Variants in DOCK8 observed in about 807,000 individuals in gnomAD.
The protein encoded by DOCK8 is dedicator of cytokinesis protein 8.
DOCK8 carries 141 observed loss-of-function variants against 245.6 expected under a neutral mutation model. The ratio of observed to expected loss-of-function variants is 0.57; its 90% CI spans 0.50 to 0.66. The LOEUF (loss-of-function observed/expected upper bound fraction) is 0.66, where lower values mean the gene tolerates loss of function less well. Among genes scored for constraint, DOCK8 ranks in the 30% least tolerant of loss-of-function variants. The pLI is 0.00. For synonymous variants in DOCK8, 1,168 were observed against 970.2 expected (o/e 1.20, Z -3.79); for missense variants, 2,965 against 2,603.4 (o/e 1.14, Z -3.02).
chr9:429,430 G>T (rs1326093915), intron 35 of DOCK8, among the ~76,000 whole-genome samples: 2 of 152,168 alleles, frequency 1.3e-5, no homozygotes, highest in Non-Finnish European at 2.9e-5. Flanking sequence ...TTCCATCATA[G>T]TTGTGATTTC....
intron 4 of DOCK8, among the ~76,000 whole-genome samples, chr9:299,283 G>C (rs541520858): frequency 6.6e-6 from 1 of 152,206 alleles, no homozygotes; most frequent in Admixed American, 6.5e-5. Context: ...TTATATTTGT[G>C]AGAGTGACTG....
intron 15 of DOCK8, chr9:368,842 A>AC (rs2053148303): frequency 1.6e-5 from 2 of 123,906 alleles, no homozygotes; most frequent in African/African-American, 6.0e-5. Context: ...TTTTTTTGAG[A>AC]CAGAGTTTCA....
chr9:324,405 G>A (rs2050663542), intron 7 of DOCK8, among the ~76,000 whole-genome samples: 1 of 152,116 alleles, frequency 6.6e-6, no homozygotes, highest in Non-Finnish European at 1.5e-5. Context: ...GCTCTCTGCA[G>A]GTAACATCCA....
intron 6 of DOCK8, among the ~76,000 whole-genome samples, chr9:315,168 C>T (rs961058824): frequency 9.9e-5 from 15 of 152,180 alleles, no homozygotes; most frequent in African/African-American, 3.4e-4. Context: ...TGGAGTTGAC[C>T]TCTGGATCCA....
At chr9:244,145 G>A (rs984185468) in intron 1 of DOCK8, among the ~76,000 whole-genome samples, 5 of 144,668 alleles carry the variant, frequency 3.5e-5, no homozygotes, top group Admixed American at 1.4e-4. Context: ...CAGAGATCGC[G>A]CCACTGCACT....
At chr9:238,800 A>G (rs1010799981) in intron 1 of DOCK8, among the ~76,000 whole-genome samples, 6 of 152,254 alleles carry the variant, frequency 3.9e-5, no homozygotes, top group African/African-American at 1.4e-4. Context: ...CTTTCATATA[A>G]GAAAAATTAA....
intron 7 of DOCK8, among the ~76,000 whole-genome samples, chr9:319,563 A>T (rs2050495838): frequency 6.6e-6 from 1 of 152,236 alleles, no homozygotes; most frequent in Non-Finnish European, 1.5e-5. Context: ...ATGTGACAGT[A>T]TGAATAGTAA....
intron 1 of DOCK8, among the ~76,000 whole-genome samples, chr9:243,767 C>CA (rs2047434829): frequency 6.6e-6 from 1 of 152,128 alleles, no homozygotes; most frequent in South Asian, 2.1e-4. Flanking sequence ...ATGTGTTTCT[C>CA]AGAGTGTGTC....
At chr9:222,039 C>T (rs1004533727) in intron 1 of DOCK8, among the ~76,000 whole-genome samples, 2 of 152,104 alleles carry the variant, frequency 1.3e-5, no homozygotes, top group Middle Eastern at 3.4e-3. Context: ...ACAGGAGAAT[C>T]AGTTGAGCCC....
intron 26 of DOCK8, among the ~76,000 whole-genome samples, chr9:401,990 A>G (rs2055133545): frequency 6.6e-6 from 1 of 151,972 alleles, no homozygotes; most frequent in Admixed American, 6.6e-5. Context: ...GGGACACTTC[A>G]CTCCTCCTTG....
At chr9:281,916 T>C (rs1261704612) in intron 2 of DOCK8, among the ~76,000 whole-genome samples, 1 of 152,136 alleles carries the variant, frequency 6.6e-6, no homozygotes, top group African/African-American at 2.4e-5. Flanking sequence ...AACTATTCAA[T>C]GTCAGCTTGG....
chr9:400,235 T>C (rs866191629), intron 26 of DOCK8, among the ~76,000 whole-genome samples: 356 of 16,330 alleles, frequency 0.022, 2 homozygotes, highest in African/African-American at 0.033. Context: ...ACCTCCACCA[T>C]CACCACCACC....
At chr9:272,442 G>C (rs572752411) in intron 2 of DOCK8, among the ~76,000 whole-genome samples, 114 of 152,240 alleles carry the variant, frequency 7.5e-4, no homozygotes, top group Middle Eastern at 3.4e-3. Context: ...GAGTACAGAG[G>C]TGTGATCTCA....
At chr9:298,850 G>A (rs2049394992) in intron 4 of DOCK8, among the ~76,000 whole-genome samples, 1 of 150,242 alleles carries the variant, frequency 6.7e-6, no homozygotes. Flanking sequence ...TTCGTGTCAT[G>A]TCATACTAAA....
chr9:382,716 C>A, intron 22 of DOCK8, 31 bp downstream of exon 22: 1 of 1,612,284 alleles, frequency 6.2e-7, no homozygotes, highest in Non-Finnish European at 8.5e-7. Flanking sequence ...TGGAAGGGGA[C>A]ACAGGCTTTT....
intron 29 of DOCK8, among the ~76,000 whole-genome samples, chr9:417,860 A>G (rs1055292291): frequency 1.3e-5 from 2 of 152,370 alleles, no homozygotes; most frequent in Admixed American, 6.5e-5. Flanking sequence ...AATTTGAAAA[A>G]TTAATTTCTA....
intron 10 of DOCK8, 31 bp downstream of exon 10, chr9:332,509 A>G: frequency 2.0e-6 from 3 of 1,493,488 alleles, no homozygotes; most frequent in Non-Finnish European, 2.8e-6. Context: ...TTAAATGGAG[A>G]CATCTTAGAA....
chr9:255,967 T>A (rs2047763131), intron 1 of DOCK8, among the ~76,000 whole-genome samples: 2 of 152,204 alleles, frequency 1.3e-5, no homozygotes, highest in African/African-American at 4.8e-5. Flanking sequence ...AATATCCTAA[T>A]AGTTGTCATC....
chr9:361,574 C>T (rs1277423569), intron 14 of DOCK8, among the ~76,000 whole-genome samples: 1 of 152,154 alleles, frequency 6.6e-6, no homozygotes. Context: ...TTTTGAAGGA[C>T]ATTTCCACCC....
Sources: gnomAD v4.1 joint callset for allele counts (sites outside exome capture counted in the v4.1 genomes callset) on GRCh38, gnomAD v4.1.1 for gene constraint, MANE v1.5 for transcripts, NCBI Gene and HGNC (gene_info 2026-07-23, HGNC 2026-07-21) for gene names.